ZRANB3: variants seen among roughly 807,000 people sequenced by gnomAD.
The protein encoded by ZRANB3 is DNA annealing helicase and endonuclease ZRANB3.
A neutral mutation model predicts 133.8 loss-of-function variants in ZRANB3; 125 were observed. That is an observed-to-expected ratio of 0.93 (90% CI 0.81 to 1.08). The LOEUF (loss-of-function observed/expected upper bound fraction) is 1.08, where lower values mean the gene tolerates loss of function less well. ZRANB3 is among the 50% of genes least tolerant of loss of function. The probability of loss-of-function intolerance (pLI) is 0.00; values close to 1 mark genes in which losing one functional copy is unlikely to be tolerated. For synonymous variants in ZRANB3, 387 were observed against 432.7 expected, an observed-to-expected ratio of 0.89 and a Z score of 1.31; for missense variants, 1,229 against 1,275.5, an observed-to-expected ratio of 0.96 and a Z score of 0.56.
intron 2 of ZRANB3, among the ~76,000 whole-genome samples, chr2:135,425,524 G>A (rs1689025667): frequency 6.6e-6 from 1 of 152,154 alleles, no homozygotes. Context: ...TCTGCTGTGA[G>A]TAGATTTTTC....
chr2:135,390,609 A>C (rs1687179958), intron 3 of ZRANB3, among the ~76,000 whole-genome samples, 193 bp downstream of exon 3: 2 of 150,694 alleles, frequency 1.3e-5, no homozygotes, highest in African/African-American at 4.9e-5. Context: ...ATGTCTAGAA[A>C]ACACACACAC....
At chr2:135,372,832 T>C (rs1356940263) in intron 3 of ZRANB3, among the ~76,000 whole-genome samples, 1 of 145,512 alleles carries the variant, frequency 6.9e-6, no homozygotes, top group Non-Finnish European at 1.5e-5. Flanking sequence ...ACACGGATAA[T>C]CCTAGCACTT....
intron 8 of ZRANB3, among the ~76,000 whole-genome samples, chr2:135,293,797 T>C (rs901649301): frequency 2.1e-4 from 31 of 150,846 alleles, no homozygotes; most frequent in Middle Eastern, 3.4e-3. Context: ...TGAGAGTGTT[T>C]AGCATGAAGG....
intron 3 of ZRANB3, among the ~76,000 whole-genome samples, chr2:135,381,778 G>C (rs1686711244): frequency 6.6e-6 from 1 of 152,116 alleles, no homozygotes; most frequent in Non-Finnish European, 1.5e-5. Context: ...CTGCAGCTGA[G>C]GGTCCTGACT....
intron 12 of ZRANB3, among the ~76,000 whole-genome samples, chr2:135,243,622 T>G (rs180801987): frequency 1.3e-3 from 117 of 89,158 alleles, no homozygotes; most frequent in Admixed American, 0.012. Context: ...TTAAAAAAAC[T>G]TTTTTTTTCT....
At chr2:135,479,540 C>T (rs908251487) in intron 2 of ZRANB3, among the ~76,000 whole-genome samples, 42 of 152,016 alleles carry the variant, frequency 2.8e-4, no homozygotes, top group Non-Finnish European at 1.0e-4. Context: ...AAGGCTGAGG[C>T]GGGAGAATCA....
At chr2:135,291,431 C>G (rs1321414520) in intron 8 of ZRANB3, among the ~76,000 whole-genome samples, 1 of 149,556 alleles carries the variant, frequency 6.7e-6, no homozygotes, top group African/African-American at 2.5e-5. Flanking sequence ...GATCCAGCCC[C>G]CTCGGCCTCC....
chr2:135,489,739 A>T (rs1031172039), intron 2 of ZRANB3, among the ~76,000 whole-genome samples: 2 of 151,928 alleles, frequency 1.3e-5, no homozygotes, highest in African/African-American at 4.8e-5. Context: ...AGGATTGAAA[A>T]GGAAATTTTC....
rs553335330 is a variant in ZRANB3, at chr2:135,322,783, G to A, written c.678-7253C>T. Among the ~76,000 whole-genome samples, 19 of 152,154 alleles carry A rather than the reference G, an allele frequency of 1.2e-4. 1 individual carries two copies. The South Asian group carries it at 2.1e-3, about 17-fold the overall frequency. On this transcript the variant is annotated intron_variant, in intron 6 of 20. Transcript: ENST00000264159. ...TGTAATCTTAGCACTTTGGGAGGCC[G>A]AGGCAGGTGGATCACCTGAGGTCAG...
At chr2:135,434,391 C>A (rs1056531759) in intron 2 of ZRANB3, among the ~76,000 whole-genome samples, 15 of 152,216 alleles carry the variant, frequency 9.9e-5, no homozygotes, top group African/African-American at 3.6e-4. Flanking sequence ...GATGCAAAGG[C>A]TGAAGAAGTA....
At chr2:135,339,098 C>T (rs1413369919) in intron 6 of ZRANB3, among the ~76,000 whole-genome samples, 4 of 151,960 alleles carry the variant, frequency 2.6e-5, no homozygotes, top group African/African-American at 9.7e-5. Context: ...AACATACTGA[C>T]ACCCCGTATC....
chr2:135,399,829 G>A (rs1450556241), intron 2 of ZRANB3, among the ~76,000 whole-genome samples: 1 of 152,200 alleles, frequency 6.6e-6, no homozygotes, highest in Non-Finnish European at 1.5e-5. Flanking sequence ...TACCATTTCT[G>A]TAACTGGTGA....
chr2:135,478,282 A>G (rs1292982483), intron 2 of ZRANB3, among the ~76,000 whole-genome samples: 1 of 152,188 alleles, frequency 6.6e-6, no homozygotes, highest in African/African-American at 2.4e-5. Flanking sequence ...CACAGAAATT[A>G]TGTAAATCTC....
intron 12 of ZRANB3, among the ~76,000 whole-genome samples, chr2:135,249,259 G>A (rs1256895899): frequency 6.6e-6 from 1 of 152,200 alleles, no homozygotes; most frequent in African/African-American, 2.4e-5. Flanking sequence ...ATGCCCAGAG[G>A]AATAGAAATC....
At chr2:135,459,243 T>C (rs1323694734) in intron 2 of ZRANB3, among the ~76,000 whole-genome samples, 1 of 152,182 alleles carries the variant, frequency 6.6e-6, no homozygotes, top group Non-Finnish European at 1.5e-5. Context: ...TTCTGCCTCA[T>C]TCTTCTCTTA....
intron 2 of ZRANB3, among the ~76,000 whole-genome samples, chr2:135,407,973 T>C (rs900763216): frequency 2.8e-5 from 4 of 142,422 alleles, no homozygotes; most frequent in African/African-American, 1.2e-4. Flanking sequence ...AATTGTCAAA[T>C]GGGATCTAAT....
At chr2:135,391,896 A>G (rs1382427780) in intron 2 of ZRANB3, among the ~76,000 whole-genome samples, 4 of 152,006 alleles carry the variant, frequency 2.6e-5, no homozygotes, top group African/African-American at 9.7e-5. Flanking sequence ...TTTTATTTCT[A>G]TTACTTTGCT....
intron 12 of ZRANB3, among the ~76,000 whole-genome samples, chr2:135,245,976 C>A (rs1695779050): frequency 1.5e-5 from 2 of 131,028 alleles, no homozygotes; most frequent in East Asian, 2.6e-4. Flanking sequence ...TGATAAACAT[C>A]TGAAGGTGGA....
At chr2:135,475,721 G>C (rs1018664516) in intron 2 of ZRANB3, among the ~76,000 whole-genome samples, 1 of 152,168 alleles carries the variant, frequency 6.6e-6, no homozygotes, top group Non-Finnish European at 1.5e-5. Context: ...AACATACACA[G>C]TGCCAAAGGA....
Sources: allele counts gnomAD v4.1 joint callset (sites outside exome capture counted in the v4.1 genomes callset), GRCh38; gene constraint gnomAD v4.1.1; transcripts MANE v1.5; gene names NCBI Gene and HGNC (gene_info 2026-07-23, HGNC 2026-07-21).